The following SUDS3 variants were observed in gnomAD, a reference collection of about 807,000 sequenced individuals.
SUDS3 encodes the protein SIN3A corepressor complex component SDS3.
A neutral mutation model predicts 53.5 loss-of-function variants in SUDS3; 23 were observed. The ratio of observed to expected loss-of-function variants is 0.43; its 90% CI spans 0.31 to 0.61. SUDS3 has a LOEUF of 0.61. Ranked by LOEUF, SUDS3 falls within the 20% of genes least tolerant of loss-of-function variation. SUDS3 has a pLI of 0.10. For synonymous variants in SUDS3, 150 were observed against 148.5 expected, an observed-to-expected ratio of 1.01 and a Z score of -0.08; for missense variants, 291 against 405.9, an observed-to-expected ratio of 0.72 and a Z score of 2.43.
At chr12:118,397,422 A>T (rs1305360019) in intron 6 of SUDS3, among the ~76,000 whole-genome samples, 1 of 152,176 alleles carries the variant, frequency 6.6e-6, no homozygotes, top group Non-Finnish European at 1.5e-5. Flanking sequence ...GTCAGACTCC[A>T]TCCTTCTATG....
In SUDS3 at chr12:118,401,803, C is replaced by T; in HGVS notation, c.658C>T (p.Leu220=). Residue 220 remains leucine, a synonymous_variant, in exon 8 of 12, where the codon CTG becomes TTG. Coordinates refer to ENST00000543473, the MANE Select transcript of SUDS3 (RefSeq NM_022491.3). ...AACAGATGAACAGATCATGGAGGAT[C>T]TGAGAACATTAAATAAGGTACGGTT... ...LLTDEQIMED[L]RTLNKLKSPK... 1 of 1,613,888 alleles carries T rather than the reference C, an allele frequency of 6.2e-7. No homozygotes were observed.
In SUDS3 at chr12:118,415,143, GGTGATTTA is replaced by G. The variant is rs2046389776; in HGVS notation, c.*711_*718del. On this transcript the variant is annotated 3_prime_UTR_variant, in exon 12 of 12. Transcript: ENST00000543473. ...CATATTTTAAATGTTATTTAATGCA[GGTGATTTA>G]TTCAAACATTTGTTCTAGCTTAAGC... 6.6e-6 allele frequency: 1 copy of G among 152,192 alleles called. No homozygotes were observed. The allele number at this position is 152,192 out of a possible 1,614,324, so 9.4% of individuals were successfully genotyped here.
chr12:118,392,448 CTT>C (rs2046175974), intron 6 of SUDS3, among the ~76,000 whole-genome samples: 1 of 152,214 alleles, frequency 6.6e-6, no homozygotes, highest in South Asian at 2.1e-4. Flanking sequence ...AAAAATCTCT[CTT>C]CTGTTAGCTT....
intron 6 of SUDS3, among the ~76,000 whole-genome samples, chr12:118,397,932 A>C (rs2046230594): frequency 6.6e-6 from 1 of 152,126 alleles, no homozygotes; most frequent in African/African-American, 2.4e-5. Flanking sequence ...AGAACATTCC[A>C]TAATGTTCAT....
At chr12:118,395,629 A>T (rs2046208163) in intron 6 of SUDS3, among the ~76,000 whole-genome samples, 1 of 152,028 alleles carries the variant, frequency 6.6e-6, no homozygotes, top group Non-Finnish European at 1.5e-5. Flanking sequence ...CTTTAAAGAG[A>T]TTGGTCCCTT....
intron 6 of SUDS3, among the ~76,000 whole-genome samples, chr12:118,397,186 C>A (rs868581409): frequency 6.6e-6 from 1 of 152,006 alleles, no homozygotes; most frequent in Non-Finnish European, 1.5e-5. Flanking sequence ...TGCATGATGT[C>A]GGAGAGGAAG....
intron 3 of SUDS3, among the ~76,000 whole-genome samples, chr12:118,385,887 C>T (rs2046110723): frequency 6.6e-6 from 1 of 152,180 alleles, no homozygotes; most frequent in South Asian, 2.1e-4. Flanking sequence ...CACTCCCCCT[C>T]ACTCACTACA....
At position 118,386,149 on chromosome 12, in the gene SUDS3, C is replaced by G; in HGVS notation, c.304C>G (p.Leu102Val). 2 of 1,602,188 alleles carry G rather than the reference C, an allele frequency of 1.2e-6. No homozygotes were observed. The highest frequency in any genetic ancestry group is 1.7e-6 in the Non-Finnish European group (2 of 1,174,058). The change falls in exon 4 of 12, where the codon CTA becomes GTA. Residue 102 changes from leucine to valine, a missense_variant. Physicochemically the swap from Leu to Val is conservative, Grantham distance 32. This residue lies in a region of SUDS3 where 149 missense variants were observed against 146.5 expected (regional missense o/e 1.02). Transcript: ENST00000543473. ...LQEYQKRMKK[L>V]DQQYKERIRN... ...GGAATATCAGAAGAGAATGAAAAAA[C>G]TAGATCAGCAGTACAAAGAGAGGAT...
At chr12:118,377,943 C>A (rs2046016768) in intron 1 of SUDS3, among the ~76,000 whole-genome samples, 1 of 152,184 alleles carries the variant, frequency 6.6e-6, no homozygotes, top group Non-Finnish European at 1.5e-5. Context: ...GGAATTGGAT[C>A]TGCAACAGCC....
intron 10 of SUDS3, among the ~76,000 whole-genome samples, chr12:118,408,171 T>G (rs2046324785): frequency 6.6e-6 from 1 of 152,162 alleles, no homozygotes; most frequent in Admixed American, 6.5e-5. Flanking sequence ...AGTGCTGGGA[T>G]TACAGGCGTA....
At chr12:118,406,933 G>C (rs2046313606) in intron 10 of SUDS3, among the ~76,000 whole-genome samples, 1 of 146,268 alleles carries the variant, frequency 6.8e-6, no homozygotes, top group African/African-American at 2.6e-5. Context: ...GGGTCTCACT[G>C]TCCCCCAGGC....
chr12:118,400,379 T>C (rs931717146), intron 6 of SUDS3, among the ~76,000 whole-genome samples: 7 of 152,092 alleles, frequency 4.6e-5, no homozygotes, highest in African/African-American at 1.7e-4. Context: ...CCCCTAGGTT[T>C]TGAGGGTGCT....
chr12:118,409,470 T>C (rs1376687633), intron 10 of SUDS3, among the ~76,000 whole-genome samples: 1 of 152,240 alleles, frequency 6.6e-6, no homozygotes, highest in Non-Finnish European at 1.5e-5. Flanking sequence ...TTTAACAGTA[T>C]TTTCAGAAAG....
rs1302617799 is a variant in SUDS3 at position 118,400,753 on chromosome 12, A to C, written c.612A>C (p.Pro204=). Residue 204 remains proline (P), a splice_region_variant and synonymous_variant, in exon 7 of 12, where the codon CCA becomes CCC. Coordinates refer to ENST00000543473, the MANE Select transcript of SUDS3 (RefSeq NM_022491.3). ...CAGACAAGAGGAGGAAACCTGCTCC[A>C]GATATCCATTTACATCAAGCCTTAA... The part of the protein sequence containing the change: ...PIPDKRRKPA[P]AQLNYLLTDE... The C allele has an allele frequency of 6.2e-7, 1 of 1,613,914 alleles. No individual in the cohort carries two copies. Among genetic ancestry groups the C allele is most frequent in the Admixed American group, 1.7e-5 (1 of 60,026 alleles).
At chr12:118,388,319 A>G (rs2046132939) in intron 4 of SUDS3, among the ~76,000 whole-genome samples, 1 of 152,170 alleles carries the variant, frequency 6.6e-6, no homozygotes, top group South Asian at 2.1e-4. Flanking sequence ...TGGAGTTTGT[A>G]TATGTGCTTT....
chr12:118,388,370 AGGGGCCCCT>A (rs1471464599), intron 4 of SUDS3, among the ~76,000 whole-genome samples: 1 of 152,110 alleles, frequency 6.6e-6, no homozygotes, highest in East Asian at 1.9e-4. Context: ...AGGTTTGCAA[AGGGGCCCCT>A]GGTAGACTGA....
At chr12:118,399,444 G>A (rs145957484) in intron 6 of SUDS3, among the ~76,000 whole-genome samples, 1 of 152,344 alleles carries the variant, frequency 6.6e-6, no homozygotes, top group East Asian at 1.9e-4. Flanking sequence ...AGAGGTTGCA[G>A]TGAATGAAGA....
Position 118,380,147 on chromosome 12 carries a change from C to G in SUDS3, c.143-15C>G. ...TTATGATTTTAACTAGCCCCTATTT[C>G]CTAACTTTATTCAGACACTGAGGAT... is the stretch of plus-strand genomic sequence containing the variant. On this transcript the variant is annotated splice_polypyrimidine_tract_variant and intron_variant, in intron 1 of 11. Coordinates refer to ENST00000543473, the MANE Select transcript of SUDS3 (RefSeq NM_022491.3). 1 of 1,599,334 alleles carries G rather than the reference C, an allele frequency of 6.3e-7. No homozygotes were observed. Among genetic ancestry groups the G allele is most frequent in the South Asian group, 1.1e-5 (1 of 88,350 alleles).
rs1342842917 is a variant in SUDS3 at position 118,376,584 on chromosome 12, C to A, written c.-108C>A. The stretch of plus-strand genomic sequence containing the variant: ...ACGGGGAAGGGGTCGCCGTGGCTGC[C>A]GGTCCTCGAGTTGGGGGCTGCCGCG... On this transcript the variant is annotated 5_prime_UTR_variant, in exon 1 of 12. Coordinates refer to ENST00000543473, the MANE Select transcript of SUDS3 (RefSeq NM_022491.3). 9 of 1,234,728 alleles carry A rather than the reference C, an allele frequency of 7.3e-6. No individual in the cohort carries two copies. In the African/African-American group the frequency reaches 1.1e-4, roughly 15 times the overall value. The allele number at this position is 1,234,728 out of a possible 1,614,324, so 76.5% of individuals were successfully genotyped here. A position where few individuals can be genotyped will look rare whatever the true frequency, so the allele number is the denominator to read the frequency against.
Sources: allele counts gnomAD v4.1 joint callset (sites outside exome capture counted in the v4.1 genomes callset), GRCh38; gene constraint gnomAD v4.1.1; regional missense constraint gnomAD v4.1.1; transcripts MANE v1.5; gene names NCBI Gene and HGNC (gene_info 2026-07-23, HGNC 2026-07-21).